SPHKAP: variants seen among roughly 807,000 people sequenced by gnomAD.
SPHKAP encodes A-kinase anchor protein SPHKAP.
In SPHKAP, 67 loss-of-function variants were observed where a neutral mutation model predicts 137.5. The ratio of observed to expected loss-of-function variants is 0.49; its 90% CI spans 0.40 to 0.60. SPHKAP has a LOEUF of 0.60. Among genes scored for constraint, SPHKAP ranks in the 20% least tolerant of loss-of-function variants. SPHKAP has a pLI of 0.00. For synonymous variants in SPHKAP, 813 were observed against 785.3 expected, an observed-to-expected ratio of 1.04 and a Z score of -0.59; for missense variants, 2,097 against 2,069.3, an observed-to-expected ratio of 1.01 and a Z score of -0.26.
chr2:228,126,057 G>A (rs1309831501), intron 2 of SPHKAP, among the ~76,000 whole-genome samples: 1 of 152,116 alleles, frequency 6.6e-6, no homozygotes, highest in African/African-American at 2.4e-5. Flanking sequence ...ACCAGCCTGG[G>A]CAACAGAGTG....
chr2:228,020,219 G>A, intron 6 of SPHKAP, 63 bp from the exon 7 acceptor site: 1 of 1,514,010 alleles, frequency 6.6e-7, no homozygotes, highest in South Asian at 1.3e-5. Context: ...TAAGTCTTAA[G>A]TAATAATTAC....
chr2:228,114,105 G>A (rs1698624634), intron 2 of SPHKAP, among the ~76,000 whole-genome samples: 1 of 152,096 alleles, frequency 6.6e-6, no homozygotes, highest in Admixed American at 6.6e-5. Context: ...AACTCACCAG[G>A]CTCTCAATGG....
chr2:228,034,718 G>A (rs1695511979), intron 3 of SPHKAP, among the ~76,000 whole-genome samples: 1 of 152,204 alleles, frequency 6.6e-6, no homozygotes, highest in Non-Finnish European at 1.5e-5. Flanking sequence ...ATGCAAGGCT[G>A]GTTCAACATA....
At chr2:228,138,119 A>G (rs1258128229) in intron 1 of SPHKAP, among the ~76,000 whole-genome samples, 1 of 152,200 alleles carries the variant, frequency 6.6e-6, no homozygotes, top group African/African-American at 2.4e-5. Context: ...GAATTCTCAC[A>G]TCCAAATATC....
chr2:228,099,774 T>C (rs1431493259), intron 3 of SPHKAP, among the ~76,000 whole-genome samples: 5 of 152,124 alleles, frequency 3.3e-5, no homozygotes, highest in Non-Finnish European at 7.4e-5. Flanking sequence ...AAAATGTGTG[T>C]GTGTTTGTGT....
intron 5 of SPHKAP, among the ~76,000 whole-genome samples, chr2:228,023,657 T>C (rs1194484207): frequency 6.6e-6 from 1 of 152,070 alleles, no homozygotes; most frequent in Non-Finnish European, 1.5e-5. Context: ...AGGAGGTGCA[T>C]TTTCCGAGTG....
chr2:228,033,603 T>C (rs1341424331), intron 3 of SPHKAP, among the ~76,000 whole-genome samples: 1 of 152,142 alleles, frequency 6.6e-6, no homozygotes, highest in Non-Finnish European at 1.5e-5. Flanking sequence ...ACCACACCTA[T>C]TCCAAAATTG....
At chr2:227,998,311 T>A (rs1251630893) in intron 7 of SPHKAP, among the ~76,000 whole-genome samples, 1 of 152,182 alleles carries the variant, frequency 6.6e-6, no homozygotes, top group East Asian at 1.9e-4. Flanking sequence ...AGGGTTAATA[T>A]TCAATCACCC....
Position 228,108,915 on chromosome 2 carries a change from C to T in SPHKAP, c.163G>A (p.Glu55Lys). Residue 55 changes from glutamate to lysine, a missense_variant, in exon 3 of 12, where the codon GAG becomes AAG. By Grantham distance (56) the Glu-to-Lys change is moderately conservative (BLOSUM62 1). Transcript: ENST00000392056. ...KKVLRSNSLL[E>K]STDYWLQNQR... ...TTCTGCAACCAGTAGTCTGTTGACT[C>T]CAGCAGGCTATTGCTGCGAAGAACC... The T allele has an allele frequency of 6.2e-7, 1 of 1,605,362 alleles. No individual in the cohort carries two copies. The highest frequency in any genetic ancestry group is 1.7e-4 in the Middle Eastern group (1 of 6,038).
chr2:227,999,611 A>T (rs558165670), intron 7 of SPHKAP, among the ~76,000 whole-genome samples: 1 of 152,300 alleles, frequency 6.6e-6, no homozygotes, highest in South Asian at 2.1e-4. Flanking sequence ...GACATCCAAC[A>T]TCCTTATTAA....
chr2:228,168,329 A>T (rs1309169323), intron 1 of SPHKAP, among the ~76,000 whole-genome samples: 1 of 152,176 alleles, frequency 6.6e-6, no homozygotes, highest in African/African-American at 2.4e-5. Flanking sequence ...CTCTGCAGAT[A>T]CTGTGTTATA....
chr2:228,032,172 C>G (rs1695356169), intron 3 of SPHKAP, among the ~76,000 whole-genome samples: 1 of 152,076 alleles, frequency 6.6e-6, no homozygotes, highest in Non-Finnish European at 1.5e-5. Context: ...ATAACCAACG[C>G]AGAGAAGTCC....
Position 228,016,558 on chromosome 2 carries a change from T to C in SPHKAP, c.4296A>G (p.Glu1432=). ...CSREVPLIQI[E]TDQREACAGE... is the part of the protein sequence containing the mutation. Reference sequence around the variant, plus strand: ...CAGCACAGGCTTCTCTCTGATCTGTTTCAATCTGAATCAAAGGCACTTCCC... The same window carrying C: ...CAGCACAGGCTTCTCTCTGATCTGTCTCAATCTGAATCAAAGGCACTTCCC... Residue 1432 remains glutamate (E), a synonymous_variant, in exon 7 of 12, where the codon GAA becomes GAG. Transcript: ENST00000392056. 6.2e-7 allele frequency: 1 copy of C among 1,614,116 alleles called. No homozygotes were observed. Among genetic ancestry groups the C allele is most frequent in the Admixed American group, 1.7e-5 (1 of 60,008 alleles).
intron 3 of SPHKAP, among the ~76,000 whole-genome samples, chr2:228,030,554 AAAT>A (rs1278613701): frequency 1.6e-4 from 23 of 140,208 alleles, no homozygotes; most frequent in African/African-American, 6.2e-4. Flanking sequence ...AAAAAAAAAA[AAAT>A]AAAAAAATTA....
At chr2:228,159,266 A>G (rs1156461944) in intron 1 of SPHKAP, among the ~76,000 whole-genome samples, 2 of 152,238 alleles carry the variant, frequency 1.3e-5, no homozygotes, top group African/African-American at 4.8e-5. Context: ...TTTCTTAAAT[A>G]GGAAATGGAA....
chr2:228,066,223 C>G (rs1017464865), intron 3 of SPHKAP, among the ~76,000 whole-genome samples: 5 of 152,156 alleles, frequency 3.3e-5, no homozygotes, highest in Admixed American at 3.3e-4. Flanking sequence ...GGTTCTTTTT[C>G]ATTTTTTAAT....
At chr2:228,036,950 G>C (rs1205911869) in intron 3 of SPHKAP, among the ~76,000 whole-genome samples, 1 of 151,986 alleles carries the variant, frequency 6.6e-6, no homozygotes, top group Non-Finnish European at 1.5e-5. Flanking sequence ...GAGTTAATGG[G>C]TGCAGCACAC....
intron 11 of SPHKAP, among the ~76,000 whole-genome samples, chr2:227,983,928 G>T (rs1010043914): frequency 4.6e-5 from 7 of 151,998 alleles, no homozygotes; most frequent in African/African-American, 1.2e-4. Context: ...CGTTGTGGGG[G>T]TGAGATGTGG....
Position 228,181,316 on chromosome 2 carries a change from G to A in SPHKAP, c.32+251C>T, listed in dbSNP as rs1700905104. On this transcript the variant is annotated intron_variant, in intron 1 of 11. Transcript: ENST00000392056. The surrounding 1 kb of genome is among the most constrained non-coding windows in gnomAD (Gnocchi z 4.3). The stretch of plus-strand genomic sequence containing the variant: ...CCCTGGGCCTTAGAGGCGGGCACGG[G>A]GCTGACCCCCAACCCGTGCCACTCC... Among the ~76,000 whole-genome samples the A allele has an allele frequency of 2.0e-5, 3 of 152,092 alleles. No homozygotes were observed. The highest frequency in any genetic ancestry group is 2.0e-4 in the Admixed American group (3 of 15,290).
Sources: allele counts gnomAD v4.1 joint callset (sites outside exome capture counted in the v4.1 genomes callset), GRCh38; gene constraint gnomAD v4.1.1; non-coding constraint Gnocchi (gnomAD v3.1); transcripts MANE v1.5; gene names NCBI Gene and HGNC (gene_info 2026-07-23, HGNC 2026-07-21).